IL1RAPL2: variants seen among roughly 807,000 people sequenced by gnomAD.
IL1RAPL2 encodes the protein X-linked interleukin-1 receptor accessory protein-like 2.
Under a neutral mutation model 44.1 loss-of-function variants are expected in IL1RAPL2, and 3 were observed. The observed-to-expected ratio is 0.07, with a 90% CI of 0.03 to 0.18. The LOEUF is 0.18. Among genes scored for constraint, IL1RAPL2 ranks in the 10% least tolerant of loss-of-function variants. The probability of loss-of-function intolerance (pLI) is 1.00; values close to 1 mark genes in which losing one functional copy is unlikely to be tolerated. For synonymous variants in IL1RAPL2, 181 were observed against 178.8 expected (o/e 1.01, Z -0.10); for missense variants, 391 against 496.4 (o/e 0.79, Z 2.02).
chrX:105,564,475 C>A (rs1294049419), intron 6 of IL1RAPL2, among the ~76,000 whole-genome samples: 1 of 111,869 alleles, frequency 8.9e-6, no homozygotes. Flanking sequence ...AATTTATGAA[C>A]CATTTAGTAT....
chrX:104,603,034 A>G (rs919415430), intron 1 of IL1RAPL2, among the ~76,000 whole-genome samples: 4 of 111,729 alleles, frequency 3.6e-5, no homozygotes, highest in Non-Finnish European at 5.6e-5. Flanking sequence ...CATGACTGGA[A>G]GACACCTCCC....
chrX:104,826,164 G>A (rs1183269768), intron 2 of IL1RAPL2, among the ~76,000 whole-genome samples: 2 of 111,442 alleles, frequency 1.8e-5, no homozygotes, highest in Admixed American at 9.6e-5. Context: ...GCTAGCTTTT[G>A]AATTTGTTTG....
chrX:104,901,955 G>T (rs1923830579), intron 2 of IL1RAPL2, among the ~76,000 whole-genome samples: 1 of 112,049 alleles, frequency 8.9e-6, no homozygotes, highest in Non-Finnish European at 1.9e-5. Context: ...TCCTCATTCT[G>T]TAATATAAAT....
At chrX:105,166,450 C>G (rs1263462717) in intron 2 of IL1RAPL2, among the ~76,000 whole-genome samples, 1 of 112,315 alleles carries the variant, frequency 8.9e-6, no homozygotes, top group African/African-American at 3.2e-5. Context: ...GAGGGAGAGA[C>G]TAGTGACTTT....
At chrX:104,610,860 G>A (rs750231964) in intron 1 of IL1RAPL2, among the ~76,000 whole-genome samples, 7 of 111,858 alleles carry the variant, frequency 6.3e-5, no homozygotes, top group African/African-American at 1.3e-4. Flanking sequence ...GAGGCATCAC[G>A]CTACCTAACT....
chrX:105,073,569 C>A (rs1256850792), intron 2 of IL1RAPL2, among the ~76,000 whole-genome samples: 1 of 111,008 alleles, frequency 9.0e-6, no homozygotes, highest in Non-Finnish European at 1.9e-5. Context: ...CTGTAATGGG[C>A]TGGCTGTGTC....
At chrX:105,480,038 G>T (rs779898996) in intron 5 of IL1RAPL2, among the ~76,000 whole-genome samples, 1 of 111,808 alleles carries the variant, frequency 8.9e-6, no homozygotes, top group Non-Finnish European at 1.9e-5. Flanking sequence ...TTCATTCACA[G>T]AAATTAATGA....
chrX:105,386,638 GT>G (rs913331327), intron 5 of IL1RAPL2, among the ~76,000 whole-genome samples: 9 of 111,743 alleles, frequency 8.1e-5, no homozygotes, highest in African/African-American at 2.3e-4. Flanking sequence ...CAAACATAAA[GT>G]TTGAAACATA....
intron 2 of IL1RAPL2, among the ~76,000 whole-genome samples, chrX:105,080,241 A>G (rs954643015): frequency 1.3e-4 from 15 of 111,499 alleles, no homozygotes; most frequent in Admixed American, 1.2e-3. Context: ...CCATTTGTCT[A>G]TTTTGGCTTT....
intron 3 of IL1RAPL2, among the ~76,000 whole-genome samples, chrX:105,217,953 G>C (rs782202663): frequency 3.1e-4 from 34 of 111,096 alleles, no homozygotes; most frequent in Non-Finnish European, 4.9e-4. Flanking sequence ...CAGGGGATGG[G>C]GTGTGAGGAG....
At chrX:105,135,817 A>G (rs890602151) in intron 2 of IL1RAPL2, among the ~76,000 whole-genome samples, 10 of 107,050 alleles carry the variant, frequency 9.3e-5, no homozygotes, top group Non-Finnish European at 1.1e-4. Context: ...TCCCCCAAAG[A>G]CAACTGCCTT....
At chrX:105,581,358 C>G (rs1203615181) in intron 6 of IL1RAPL2, among the ~76,000 whole-genome samples, 1 of 111,529 alleles carries the variant, frequency 9.0e-6, no homozygotes, top group Non-Finnish European at 1.9e-5. Flanking sequence ...AATTTAAAGA[C>G]AGGAGATGTT....
chrX:105,763,090 A>G (rs2038700818), intron 10 of IL1RAPL2, among the ~76,000 whole-genome samples: 1 of 110,188 alleles, frequency 9.1e-6, no homozygotes, highest in Non-Finnish European at 1.9e-5. Context: ...AAACCCAACC[A>G]CCCTCCTTGG....
At chrX:105,436,985 A>G (rs186790443) in intron 5 of IL1RAPL2, among the ~76,000 whole-genome samples, 14 of 106,022 alleles carry the variant, frequency 1.3e-4, no homozygotes, top group Non-Finnish European at 2.5e-4. Context: ...TGATTTTTAC[A>G]TCAAAATTCT....
chrX:105,259,545 G>T (rs985170482), intron 4 of IL1RAPL2, among the ~76,000 whole-genome samples: 3 of 111,602 alleles, frequency 2.7e-5, no homozygotes, highest in Admixed American at 9.5e-5. Flanking sequence ...GTGCAGGTCA[G>T]CAATGGCTTA....
At chrX:104,823,150 T>C (rs1921353943) in intron 2 of IL1RAPL2, among the ~76,000 whole-genome samples, 1 of 111,131 alleles carries the variant, frequency 9.0e-6, no homozygotes, top group Non-Finnish European at 1.9e-5. Context: ...GTGCACATTG[T>C]GCAGGTTAGT....
chrX:105,125,545 A>G (rs1211650892), intron 2 of IL1RAPL2, among the ~76,000 whole-genome samples: 2 of 111,428 alleles, frequency 1.8e-5, no homozygotes, highest in African/African-American at 6.5e-5. Context: ...CACAGAAATT[A>G]TAACTAAACT....
rs1386264097 is a variant in IL1RAPL2 at position 105,330,639 on chromosome X, A to G, written c.697+63098A>G. ...ATGGGTATCAGTACCATCTACCTAT[A>G]CATCCAAGTGTGACCTGGAAGTTAT... On this transcript the variant is annotated intron_variant, in intron 5 of 10. Coordinates refer to ENST00000372582, the MANE Select transcript of IL1RAPL2 (RefSeq NM_017416.2). 5.4e-5 allele frequency among the ~76,000 whole-genome samples: 6 copies of G among 111,710 alleles called. No individual in the cohort carries two copies. In the East Asian group the frequency reaches 1.7e-3, roughly 31 times the overall value.
chrX:105,076,237 G>A (rs1482948881), intron 2 of IL1RAPL2, among the ~76,000 whole-genome samples: 1 of 110,975 alleles, frequency 9.0e-6, no homozygotes, highest in Non-Finnish European at 1.9e-5. Context: ...ATTCTGGTAT[G>A]TTGTGTCTTT....
Sources: gnomAD v4.1 joint callset for allele counts (sites outside exome capture counted in the v4.1 genomes callset) on GRCh38, gnomAD v4.1.1 for gene constraint, MANE v1.5 for transcripts, NCBI Gene and HGNC (gene_info 2026-07-23, HGNC 2026-07-21) for gene names.